SLC6A15: variants seen among roughly 807,000 people sequenced by gnomAD.
SLC6A15 encodes sodium-dependent neutral amino acid transporter B(0)AT2.
In SLC6A15, 33 loss-of-function variants were observed where a neutral mutation model predicts 68.5. The ratio of observed to expected loss-of-function variants is 0.48; its 90% confidence interval spans 0.37 to 0.64. SLC6A15 has a LOEUF of 0.64. SLC6A15 is among the 30% of genes least tolerant of loss of function. SLC6A15 has a pLI of 0.00. For missense variants in SLC6A15, 747 were observed against 874.3 expected, an observed-to-expected ratio of 0.85 and a Z score of 1.84; for synonymous variants, 347 against 301.0, an observed-to-expected ratio of 1.15 and a Z score of -1.58.
rs1870802747 is a variant in SLC6A15 at position 84,860,525 on chromosome 12, C to A, written c.*1107G>T. On this transcript the variant is annotated 3_prime_UTR_variant, in exon 12 of 12. Coordinates refer to ENST00000266682, the MANE Select transcript of SLC6A15 (RefSeq NM_182767.6). The stretch of plus-strand genomic sequence containing the variant: ...ACTCTGAAGCGGTGGTAACTCTATT[C>A]AATTAATGTAATTCATCCCACTTGG... The A allele has an allele frequency of 6.6e-6, 1 of 151,944 alleles. No homozygotes were observed. Among genetic ancestry groups the A allele is most frequent in the Non-Finnish European group, 1.5e-5 (1 of 67,938 alleles). 9.4% of individuals were successfully genotyped at this position (151,944 alleles called of 1,614,324 possible). A position where few individuals can be genotyped will look rare whatever the true frequency, so the allele number is the denominator to read the frequency against.
intron 5 of SLC6A15, among the ~76,000 whole-genome samples, chr12:84,879,094 C>A (rs919341529): frequency 4.0e-5 from 6 of 151,892 alleles, no homozygotes; most frequent in African/African-American, 1.4e-4. Context: ...AGTCAACTTG[C>A]ATATCATCCT....
intron 2 of SLC6A15, 110 bp downstream of exon 2, chr12:84,891,722 C>G (rs984306732): frequency 1.4e-5 from 16 of 1,163,946 alleles, no homozygotes; most frequent in Non-Finnish European, 1.9e-5. Context: ...TCTAGCTTTA[C>G]AATGAAATTG....
chr12:84,883,718 T>A (rs764108192), intron 5 of SLC6A15, 141 bp downstream of exon 5: 1 of 1,592,678 alleles, frequency 6.3e-7, no homozygotes, highest in Non-Finnish European at 8.6e-7. Flanking sequence ...ACTTTTGAAG[T>A]GTCACTTTTC....
At chr12:84,897,411 A>G (rs1184450464) in intron 1 of SLC6A15, among the ~76,000 whole-genome samples, 2 of 152,132 alleles carry the variant, frequency 1.3e-5, no homozygotes, top group African/African-American at 4.8e-5. Context: ...TCTAATTGGT[A>G]TAGCCAAACA....
intron 1 of SLC6A15, among the ~76,000 whole-genome samples, chr12:84,898,598 T>A (rs943369822): frequency 3.9e-5 from 6 of 152,230 alleles, no homozygotes; most frequent in Non-Finnish European, 8.8e-5. Context: ...GTGCTTCAGT[T>A]TCTTCATTTA....
chr12:84,891,918 A>C lies in SLC6A15; in HGVS notation c.203T>G (p.Leu68Arg), dbSNP rs771484155. ...EDERPAWNSK[L>R]QYILAQVGFS... The stretch of plus-strand genomic sequence containing the variant: ...TCCAACTTGGGCCAGGATGTATTGT[A>C]GTTTACTGTTCCAAGCTGGTCTTTC... The change falls in exon 2 of 12, where the codon CTA (leucine) becomes CGA (arginine). Residue 68 changes from leucine to arginine, a missense_variant. Leu to Arg is a moderately radical substitution (Grantham distance 102). Transcript: ENST00000266682. 2 of 1,614,046 alleles carry C rather than the reference A, an allele frequency of 1.2e-6. No individual in the cohort carries two copies. Among genetic ancestry groups the C allele is most frequent in the Non-Finnish European group, 1.7e-6 (2 of 1,179,986 alleles).
intron 1 of SLC6A15, among the ~76,000 whole-genome samples, chr12:84,895,311 G>C (rs562797014): frequency 1.6e-5 from 2 of 126,236 alleles, no homozygotes; most frequent in East Asian, 2.3e-4. Context: ...CAAGTATTTT[G>C]CACTTAGATG....
intron 6 of SLC6A15, among the ~76,000 whole-genome samples, chr12:84,876,161 A>T (rs1286570072): frequency 6.6e-6 from 1 of 151,690 alleles, no homozygotes; most frequent in Non-Finnish European, 1.5e-5. Flanking sequence ...GTTAAAAACC[A>T]CTAAAATAAA....
intron 8 of SLC6A15, among the ~76,000 whole-genome samples, chr12:84,871,065 C>T (rs986967039): frequency 6.6e-6 from 1 of 151,560 alleles, no homozygotes; most frequent in Non-Finnish European, 1.5e-5. Context: ...ACAACTATTT[C>T]TGGCTCATAT....
chr12:84,862,136 A>G, intron 11 of SLC6A15, 130 bp from the exon 12 acceptor site: 1 of 898,864 alleles, frequency 1.1e-6, no homozygotes, highest in East Asian at 2.7e-5. Context: ...ACCAATAGAA[A>G]GCAGTAGAAG....
intron 2 of SLC6A15, among the ~76,000 whole-genome samples, chr12:84,887,485 G>T (rs1400997476): frequency 2.0e-5 from 3 of 152,098 alleles, no homozygotes; most frequent in African/African-American, 7.2e-5. Context: ...ACCTTTCTAT[G>T]ACTGATTTTC....
intron 2 of SLC6A15, among the ~76,000 whole-genome samples, chr12:84,891,376 T>C (rs1872382428): frequency 6.6e-6 from 1 of 152,222 alleles, no homozygotes; most frequent in Non-Finnish European, 1.5e-5. Flanking sequence ...ATAATTATTC[T>C]AAGTTACATA....
At chr12:84,876,632 A>G in intron 5 of SLC6A15, 25 bp from the exon 6 acceptor site, 1 of 1,220,782 alleles carries the variant, frequency 8.2e-7, no homozygotes, top group Non-Finnish European at 1.2e-6. Context: ...AAATAAAAAT[A>G]AGTGAGATAC....
Position 84,892,143 on chromosome 12 carries a change from A to AG in SLC6A15, c.-24_-23insC. On this transcript the variant is annotated 5_prime_UTR_variant, in exon 2 of 12. Coordinates refer to ENST00000266682, the MANE Select transcript of SLC6A15 (RefSeq NM_182767.6). ...CATTGGAGAGTATGCGAAGTATTTA[A>AG]AAAAAAAAAAAAAAACTCCCTTATG... 1 of 1,186,448 alleles carries AG rather than the reference A, an allele frequency of 8.4e-7. No homozygotes were observed. The highest frequency in any genetic ancestry group is 2.1e-5 in the South Asian group (1 of 47,132). The allele number at this position is 1,186,448 out of a possible 1,614,324, so 73.5% of individuals were successfully genotyped here. A position where few individuals can be genotyped will look rare whatever the true frequency, so the allele number is the denominator to read the frequency against.
At chr12:84,895,337 G>GTTTTTTTTTT (rs1362312029) in intron 1 of SLC6A15, among the ~76,000 whole-genome samples, 2 of 65,422 alleles carry the variant, frequency 3.1e-5, no homozygotes, top group African/African-American at 6.9e-5. Flanking sequence ...ATTTTTGTTT[G>GTTTTTTTTTT]TATTTTTTTT....
Position 84,883,976 on chromosome 12 carries a change from A to G in SLC6A15, c.639T>C (p.Asn213=), listed in dbSNP as rs1871954600. Residue 213 remains asparagine, a synonymous_variant, in exon 5 of 12, where the codon AAT becomes AAC. Coordinates refer to ENST00000266682, the MANE Select transcript of SLC6A15 (RefSeq NM_182767.6). ...TTYYWYREAL[N]ISSSISESGG... is the part of the protein sequence containing the mutation. ...CACTTTCAGAAATGGAACTTGAAAT[A>G]TTCAGTGCTTCCCTGTACCAGTAAT... 6.2e-7 allele frequency: 1 copy of G among 1,614,078 alleles called. No homozygotes were observed. Among genetic ancestry groups the G allele is most frequent in the Non-Finnish European group, 8.5e-7 (1 of 1,180,028 alleles).
At chr12:84,897,276 C>T (rs1417682641) in intron 1 of SLC6A15, among the ~76,000 whole-genome samples, 1 of 151,746 alleles carries the variant, frequency 6.6e-6, no homozygotes, top group African/African-American at 2.4e-5. Context: ...GAAACTATAT[C>T]TGAGGCATGG....
Position 84,895,339 on chromosome 12 carries a change from A to ATTTTTTTTTTTTTT in SLC6A15, c.-188-3045_-188-3032dup, listed in dbSNP as rs67339994. Among the ~76,000 whole-genome samples the ATTTTTTTTTTTTTT allele has an allele frequency of 1.5e-3, 82 of 54,786 alleles. 14 individuals are homozygous for ATTTTTTTTTTTTTT. The highest frequency in any genetic ancestry group is 3.8e-3 in the African/African-American group (56 of 14,842). 35.9% of individuals were successfully genotyped at this position (54,786 alleles called of 152,430 possible). On this transcript the variant is annotated intron_variant, in intron 1 of 11. Transcript: ENST00000266682. ...CTTAGATGTTTTCATTTTTGTTTGT[A>ATTTTTTTTTTTTTT]TTTTTTTTTTTTTTTTTTTTTTTTT...
chr12:84,893,523 T>C (rs1872516071), intron 1 of SLC6A15, among the ~76,000 whole-genome samples: 1 of 152,146 alleles, frequency 6.6e-6, no homozygotes. Flanking sequence ...GACACTATGT[T>C]AAAATGTGAC....
Sources: gnomAD v4.1 joint callset for allele counts (sites outside exome capture counted in the v4.1 genomes callset) on GRCh38, gnomAD v4.1.1 for gene constraint, MANE v1.5 for transcripts, NCBI Gene and HGNC (gene_info 2026-07-23, HGNC 2026-07-21) for gene names.